Variants in PCDHGB6 observed in about 807,000 individuals in gnomAD.
The protein encoded by PCDHGB6 is protocadherin gamma-B6.
A neutral mutation model predicts 59.1 loss-of-function variants in PCDHGB6; 51 were observed. That is an observed-to-expected ratio of 0.86 (90% CI 0.69 to 1.09). The LOEUF (loss-of-function observed/expected upper bound fraction) is 1.09, where lower values mean the gene tolerates loss of function less well. Ranked by LOEUF, PCDHGB6 falls within the 50% of genes least tolerant of loss-of-function variation. The pLI is 0.00. For synonymous variants in PCDHGB6, 466 were observed against 495.1 expected, an observed-to-expected ratio of 0.94 and a Z score of 0.78; for missense variants, 1,148 against 1,205.1, an observed-to-expected ratio of 0.95 and a Z score of 0.70.
In PCDHGB6 at chr5:141,409,988, G is replaced by GC. The variant is rs1561724887; in HGVS notation, c.1788dup (p.Asp597ArgfsTer17). 6.2e-7 allele frequency: 1 copy of GC among 1,613,278 alleles called. No homozygotes were observed. The highest frequency in any genetic ancestry group is 8.5e-7 in the Non-Finnish European group (1 of 1,179,814). ...AGTGACTAAGGTGGTAGCGGTGGAC[G>GC]CCGACTCGGGACACAACGCCTGGCT... On this transcript the variant is annotated frameshift_variant, in exon 1 of 4. Coordinates refer to ENST00000520790, the MANE Select transcript of PCDHGB6 (RefSeq NM_018926.3). LOFTEE classifies it high-confidence loss of function.
intron 1 of PCDHGB6, chr5:141,427,212 C>T (rs2097000434): frequency 4.4e-6 from 2 of 456,702 alleles, no homozygotes; most frequent in Non-Finnish European, 8.8e-6. Flanking sequence ...CTTCGAATTT[C>T]GTAGCAGTTA....
chr5:141,435,467 G>A (rs1019246812), intron 1 of PCDHGB6, among the ~76,000 whole-genome samples: 3 of 152,146 alleles, frequency 2.0e-5, no homozygotes, highest in Non-Finnish European at 2.9e-5. Context: ...GTGTTTCCAA[G>A]TTAGACATTT....
chr5:141,477,184 C>T lies in PCDHGB6; in HGVS notation c.2419-17623C>T. On this transcript the variant is annotated intron_variant, in intron 1 of 3. Coordinates refer to ENST00000520790, the MANE Select transcript of PCDHGB6 (RefSeq NM_018926.3). The surrounding 1 kb of genome is among the most constrained non-coding windows in gnomAD (Gnocchi z 4.9). ...ACGCCCCGGAGATCACAGTCACCTC[C>T]GTGTACAGCCCAGTACCCGAGGATG... The T allele has an allele frequency of 3.7e-6, 6 of 1,614,178 alleles. No individual in the cohort carries two copies. Among genetic ancestry groups the T allele is most frequent in the Non-Finnish European group, 5.1e-6 (6 of 1,180,032 alleles).
In PCDHGB6 at chr5:141,408,716, A is replaced by G; in HGVS notation, c.514A>G (p.Ile172Val). ...CATAAACTCAATTAAAGATTATAAG[A>G]TAAACTCTAATCCTTATTTTTCATT... The part of the protein sequence containing the change: ...ININSIKDYK[I>V]NSNPYFSLMV... The change falls in exon 1 of 4, where the codon ATA becomes GTA. Residue 172 changes from isoleucine to valine, a missense_variant. Ile to Val is a conservative substitution (Grantham distance 29). Coordinates refer to ENST00000520790, the MANE Select transcript of PCDHGB6 (RefSeq NM_018926.3). 1.2e-6 allele frequency: 2 copies of G among 1,611,732 alleles called. No individual in the cohort carries two copies. The highest frequency in any genetic ancestry group is 2.2e-5 in the East Asian group (1 of 44,790).
intron 1 of PCDHGB6, among the ~76,000 whole-genome samples, chr5:141,448,604 A>G (rs954578256): frequency 1.3e-5 from 2 of 152,118 alleles, no homozygotes; most frequent in Non-Finnish European, 2.9e-5. Flanking sequence ...AATACTATAC[A>G]CCACTTTATA....
intron 1 of PCDHGB6, chr5:141,410,848 T>TA: frequency 1.9e-5 from 7 of 365,918 alleles, no homozygotes; most frequent in Non-Finnish European, 3.2e-5. Context: ...TTTGTCTTTG[T>TA]CTTTTTTTTT....
chr5:141,474,505 A>G (rs2099350724), intron 1 of PCDHGB6, among the ~76,000 whole-genome samples: 2 of 152,248 alleles, frequency 1.3e-5, no homozygotes, highest in Admixed American at 6.5e-5. Context: ...AATGCCTATC[A>G]GCCCTCTTGC....
intron 1 of PCDHGB6, among the ~76,000 whole-genome samples, chr5:141,425,410 A>G (rs1283299220): frequency 2.0e-5 from 3 of 152,240 alleles, no homozygotes; most frequent in African/African-American, 7.2e-5. Flanking sequence ...TTAAGGTATA[A>G]CATATAGTCC....
chr5:141,477,427 C>T lies in PCDHGB6; in HGVS notation c.2419-17380C>T. On this transcript the variant is annotated intron_variant, in intron 1 of 3. Coordinates refer to ENST00000520790, the MANE Select transcript of PCDHGB6 (RefSeq NM_018926.3). The surrounding 1 kb of genome is among the most constrained non-coding windows in gnomAD (Gnocchi z 4.9). ...CCCGAGACGCCGGAACCCCTTCCCT[C>T]TCAGCCCTTACAATAGTGCGTGTTC... The T allele has an allele frequency of 6.2e-7, 1 of 1,614,220 alleles. No homozygotes were observed. The highest frequency in any genetic ancestry group is 8.5e-7 in the Non-Finnish European group (1 of 1,180,046).
rs781267293 is a variant in PCDHGB6 at position 141,489,926 on chromosome 5, C to T, written c.2419-4881C>T. 1.2e-6 allele frequency: 2 copies of T among 1,614,222 alleles called. No individual in the cohort carries two copies. The highest frequency in any genetic ancestry group is 2.2e-5 in the East Asian group (1 of 44,878). On this transcript the variant is annotated intron_variant, in intron 1 of 3. Coordinates refer to ENST00000520790, the MANE Select transcript of PCDHGB6 (RefSeq NM_018926.3). The surrounding 1 kb of genome is among the most constrained non-coding windows in gnomAD (Gnocchi z 4.5). Reference sequence around the variant, plus strand: ...GCCCGCTCAGGGACCACCCTTATCTCTGTCATCGTGCTGGACATCAATGAT... The same window carrying T: ...GCCCGCTCAGGGACCACCCTTATCTTTGTCATCGTGCTGGACATCAATGAT...
chr5:141,408,555 A>G lies in PCDHGB6; in HGVS notation c.353A>G (p.His118Arg). The change falls in exon 1 of 4, where the codon CAT (histidine) becomes CGT (arginine). Residue 118 changes from histidine (H) to arginine (R), a missense_variant. By Grantham distance (29) the His-to-Arg change is conservative (BLOSUM62 0). Coordinates refer to ENST00000520790, the MANE Select transcript of PCDHGB6 (RefSeq NM_018926.3). ...AVVENPLNIF[H>R]VIVVIEDVND... ...GTGGAAAATCCTTTAAATATTTTTC[A>G]TGTCATTGTGGTGATTGAGGATGTT... is the stretch of plus-strand genomic sequence containing the variant. The G allele has an allele frequency of 6.2e-7, 1 of 1,614,052 alleles. No homozygotes were observed. The highest frequency in any genetic ancestry group is 1.1e-5 in the South Asian group (1 of 91,090).
intron 1 of PCDHGB6, among the ~76,000 whole-genome samples, chr5:141,453,623 T>C (rs1264665094): frequency 1.3e-5 from 2 of 152,238 alleles, no homozygotes; most frequent in Admixed American, 1.3e-4. Flanking sequence ...AAACAAAACC[T>C]ATACATATTT....
chr5:141,419,853 C>A lies in PCDHGB6; in HGVS notation c.2418+9233C>A, dbSNP rs1327953878. The A allele has an allele frequency of 1.9e-6, 3 of 1,614,072 alleles. No homozygotes were observed. In the Admixed American group the frequency reaches 5.0e-5, roughly 27 times the overall value. The stretch of plus-strand genomic sequence containing the variant: ...ACTGCCACGCTGCACCTGGTGTTCG[C>A]AGATAGCTTGCAAGAGGTACTGCCG... On this transcript the variant is annotated intron_variant, in intron 1 of 3. Transcript: ENST00000520790.
rs983633484 is a variant in PCDHGB6, at chr5:141,409,822, C to A, written c.1620C>A (p.Pro540=). 10 of 1,610,868 alleles carry A rather than the reference C, an allele frequency of 6.2e-6. No homozygotes were observed. The highest frequency in any genetic ancestry group is 6.8e-6 in the Non-Finnish European group (8 of 1,178,942). Residue 540 remains proline, a synonymous_variant, in exon 1 of 4, where the codon CCC becomes CCA. Transcript: ENST00000520790. ...LTLQARDHGS[P]TLSANVSLRV... ...TGCAGGCCCGCGACCACGGCTCGCCCACGCTCAGCGCCAACGTGAGCCTGC... is the reference window on the plus strand; with the variant it reads ...TGCAGGCCCGCGACCACGGCTCGCCAACGCTCAGCGCCAACGTGAGCCTGC...
In PCDHGB6 at chr5:141,432,017, A is replaced by G. The variant is rs372826902; in HGVS notation, c.2418+21397A>G. The stretch of plus-strand genomic sequence containing the variant: ...TAGGGAACAGGTTCCTAGCTACAAC[A>G]TCACAGTGACCGCCACTGACCGGGG... On this transcript the variant is annotated intron_variant, in intron 1 of 3. Coordinates refer to ENST00000520790, the MANE Select transcript of PCDHGB6 (RefSeq NM_018926.3). This position sits in a 1 kb window ranked among gnomAD's most constrained non-coding sequence, Gnocchi z 6.0. The G allele has an allele frequency of 6.2e-7, 1 of 1,614,224 alleles. No individual in the cohort carries two copies. Among genetic ancestry groups the G allele is most frequent in the Non-Finnish European group, 8.5e-7 (1 of 1,180,038 alleles).
intron 1 of PCDHGB6, chr5:141,441,346 G>A (rs1265971154): frequency 2.0e-5 from 3 of 152,340 alleles, no homozygotes; most frequent in African/African-American, 7.2e-5. Context: ...TTAACTACAT[G>A]CTTGTAACAA....
intron 1 of PCDHGB6, chr5:141,479,691 C>T (rs2099503603): frequency 6.6e-6 from 1 of 152,206 alleles, no homozygotes; most frequent in Non-Finnish European, 1.5e-5. Context: ...TTTGGTGCCT[C>T]CAGTGTTAGT....
chr5:141,480,336 G>A (rs755963190), intron 1 of PCDHGB6, among the ~76,000 whole-genome samples: 1 of 151,988 alleles, frequency 6.6e-6, no homozygotes, highest in Non-Finnish European at 1.5e-5. Flanking sequence ...AATTGCTTGA[G>A]CCTGGGAGGT....
At chr5:141,483,648 TTGTGTGTGTG>T (rs111458813) in intron 1 of PCDHGB6, among the ~76,000 whole-genome samples, 35 of 149,708 alleles carry the variant, frequency 2.3e-4, no homozygotes, top group Non-Finnish European at 4.6e-4. Flanking sequence ...GGGTGTGTGT[TTGTGTGTGTG>T]TGTGTGTGTG....
Sources: allele counts gnomAD v4.1 joint callset (sites outside exome capture counted in the v4.1 genomes callset), GRCh38; gene constraint gnomAD v4.1.1; non-coding constraint Gnocchi (gnomAD v3.1); transcripts MANE v1.5; gene names NCBI Gene and HGNC (gene_info 2026-07-23, HGNC 2026-07-21).